The following AOPEP variants were observed in gnomAD, a reference collection of about 807,000 sequenced individuals.
AOPEP encodes aminopeptidase O (putative).
AOPEP carries 77 observed loss-of-function variants against 98.1 expected under a neutral mutation model. The observed-to-expected ratio is 0.78, with a 90% CI of 0.65 to 0.95. The LOEUF (loss-of-function observed/expected upper bound fraction) is 0.95. AOPEP is among the 40% of genes least tolerant of loss of function. The pLI is 0.00. For synonymous variants in AOPEP, 346 were observed against 365.3 expected, an observed-to-expected ratio of 0.95 and a Z score of 0.60; for missense variants, 1,024 against 1,024.7, an observed-to-expected ratio of 1.00 and a Z score of 0.01.
intron 16 of AOPEP, among the ~76,000 whole-genome samples, chr9:95,083,682 C>G (rs950914831): frequency 3.3e-5 from 5 of 151,806 alleles, no homozygotes; most frequent in African/African-American, 1.2e-4. Flanking sequence ...GCGGCACACA[C>G]AGCACACACC....
the AOPEP span, among the ~76,000 whole-genome samples, chr9:95,138,763 C>T: frequency 6.6e-6 from 1 of 152,212 alleles, no homozygotes; most frequent in Non-Finnish European, 1.5e-5. Flanking sequence ...CCAGGAGCAG[C>T]AGCAAATTCA....
intron 5 of AOPEP, among the ~76,000 whole-genome samples, chr9:94,877,427 CTT>C (rs11299818): frequency 0.026 from 3,188 of 124,788 alleles, 73 homozygotes; most frequent in African/African-American, 0.062. Context: ...TTTTTCTTTT[CTT>C]TTTTTTTTTT....
chr9:94,878,087 C>G (rs2047169134), intron 5 of AOPEP, among the ~76,000 whole-genome samples: 1 of 151,878 alleles, frequency 6.6e-6, no homozygotes, highest in Non-Finnish European at 1.5e-5. Flanking sequence ...TGTGCTAGAA[C>G]ATAAGGTAGA....
intron 13 of AOPEP, among the ~76,000 whole-genome samples, chr9:95,011,454 G>A (rs2062513198): frequency 6.6e-6 from 1 of 151,960 alleles, no homozygotes; most frequent in Non-Finnish European, 1.5e-5. Context: ...CGCCCACCTC[G>A]GCCTCCCAAA....
chr9:94,727,777 G>A (rs1448601220), intron 1 of AOPEP, among the ~76,000 whole-genome samples: 1 of 152,106 alleles, frequency 6.6e-6, no homozygotes, highest in African/African-American at 2.4e-5. Flanking sequence ...TCCAATATTT[G>A]GGGGACAAAG....
chr9:95,125,119 G>C, the AOPEP span: 1 of 1,614,168 alleles, frequency 6.2e-7, no homozygotes, highest in Non-Finnish European at 8.5e-7. Context: ...CTTCTACAAA[G>C]CACTGCGTAA....
chr9:94,935,740 T>C (rs929394494), intron 7 of AOPEP, among the ~76,000 whole-genome samples: 3 of 152,122 alleles, frequency 2.0e-5, no homozygotes, highest in Non-Finnish European at 2.9e-5. Flanking sequence ...CCATACCCCC[T>C]TTTAAGCCAA....
chr9:94,940,419 A>G (rs1169861604), intron 7 of AOPEP, among the ~76,000 whole-genome samples: 1 of 152,100 alleles, frequency 6.6e-6, no homozygotes, highest in Non-Finnish European at 1.5e-5. Context: ...CAGCCTGGCC[A>G]ACATGGTGAA....
At chr9:94,743,316 G>T (rs1833697197) in intron 1 of AOPEP, among the ~76,000 whole-genome samples, 1 of 152,172 alleles carries the variant, frequency 6.6e-6, no homozygotes, top group Admixed American at 6.5e-5. Context: ...GGAGGTGGTG[G>T]AAAGTTAGTG....
chr9:95,029,498 C>G (rs572476323), intron 13 of AOPEP, among the ~76,000 whole-genome samples: 4 of 152,138 alleles, frequency 2.6e-5, no homozygotes, highest in Non-Finnish European at 4.4e-5. Flanking sequence ...GTGTCACCCT[C>G]CTGGGCCCTC....
chr9:94,971,588 A>C (rs2059539124), intron 10 of AOPEP, among the ~76,000 whole-genome samples: 1 of 152,196 alleles, frequency 6.6e-6, no homozygotes, highest in Non-Finnish European at 1.5e-5. Flanking sequence ...TCTGTTAGGC[A>C]CGTGAACTGT....
At chr9:94,936,181 C>T (rs1015520975) in intron 7 of AOPEP, among the ~76,000 whole-genome samples, 1 of 152,166 alleles carries the variant, frequency 6.6e-6, no homozygotes, top group South Asian at 2.1e-4. Context: ...CTCCTTAAAA[C>T]ACCTCATGGT....
chr9:94,950,479 T>C (rs2058023751), intron 7 of AOPEP, among the ~76,000 whole-genome samples: 2 of 152,106 alleles, frequency 1.3e-5, no homozygotes, highest in African/African-American at 4.8e-5. Flanking sequence ...CCTCACCCAG[T>C]GGTCATGCTC....
intron 1 of AOPEP, among the ~76,000 whole-genome samples, chr9:94,744,701 CAAAAAA>C (rs757571360): frequency 1.8e-5 from 1 of 56,068 alleles, no homozygotes; most frequent in African/African-American, 6.0e-5. Flanking sequence ...GACTCTGTCT[CAAAAAA>C]AAAAAAAAAA....
intron 13 of AOPEP, among the ~76,000 whole-genome samples, chr9:95,049,733 C>T (rs1467496424): frequency 1.3e-5 from 2 of 152,146 alleles, no homozygotes; most frequent in African/African-American, 2.4e-5. Context: ...GTCTTGCATA[C>T]ATTTGAGAAT....
At chr9:94,808,583 A>C (rs1484973245) in intron 5 of AOPEP, among the ~76,000 whole-genome samples, 1 of 152,252 alleles carries the variant, frequency 6.6e-6, no homozygotes, top group Non-Finnish European at 1.5e-5. Flanking sequence ...AAGTCTAGAC[A>C]TTGTTCCCAG....
intron 11 of AOPEP, among the ~76,000 whole-genome samples, chr9:94,987,487 A>C (rs1039452119): frequency 6.6e-6 from 1 of 152,216 alleles, no homozygotes; most frequent in African/African-American, 2.4e-5. Flanking sequence ...CTAGTGTCAC[A>C]ACCATGATGA....
the AOPEP span, among the ~76,000 whole-genome samples, chr9:95,142,085 C>T: frequency 4.0e-5 from 6 of 150,892 alleles, no homozygotes; most frequent in African/African-American, 1.2e-4. Flanking sequence ...CTCTGCCTCC[C>T]GGGTTCAAGC....
chr9:94,867,596 T>G (rs1588622329), intron 5 of AOPEP, among the ~76,000 whole-genome samples: 1 of 152,386 alleles, frequency 6.6e-6, no homozygotes, highest in Admixed American at 6.5e-5. Context: ...GATTTGCTTT[T>G]CTTTCTGATT....
Sources: gnomAD v4.1 joint callset for allele counts (sites outside exome capture counted in the v4.1 genomes callset) on GRCh38, gnomAD v4.1.1 for gene constraint, MANE v1.5 for transcripts, NCBI Gene and HGNC (gene_info 2026-07-23, HGNC 2026-07-21) for gene names.